Variants in UBA6 observed in about 807,000 individuals in gnomAD.
UBA6 encodes the protein ubiquitin like modifier activating enzyme 6, also known as ubiquitin-like modifier-activating enzyme 6.
Under a neutral mutation model 148.3 loss-of-function variants are expected in UBA6, and 87 were observed. The observed-to-expected ratio is 0.59, with a 90% CI of 0.49 to 0.70. The LOEUF (loss-of-function observed/expected upper bound fraction) is 0.70, where lower values mean the gene tolerates loss of function less well. Ranked by LOEUF, UBA6 falls within the 30% of genes least tolerant of loss-of-function variation. UBA6 has a pLI of 0.00. For missense variants in UBA6, 1,186 were observed against 1,241.2 expected, an observed-to-expected ratio of 0.96 and a Z score of 0.67; for synonymous variants, 376 against 401.0, an observed-to-expected ratio of 0.94 and a Z score of 0.75.
rs745403450 is a variant in UBA6 at position 67,677,724 on chromosome 4, T to TA, written c.354-3dup. On this transcript the variant is annotated splice_polypyrimidine_tract_variant and splice_region_variant and intron_variant, in intron 5 of 32. Transcript: ENST00000322244. ...ATATGTTTAAGTACAGCTTCAGCCC[T>TA]AAAAAAATAAAATAAATTTTTACTG... is the stretch of plus-strand genomic sequence containing the variant. 1.5e-5 allele frequency: 22 copies of TA among 1,496,528 alleles called. No homozygotes were observed. The highest frequency in any genetic ancestry group is 2.3e-5 in the East Asian group (1 of 42,910). The allele number at this position is 1,496,528 out of a possible 1,614,324, so 92.7% of individuals were successfully genotyped here.
chr4:67,633,608 T>C, intron 22 of UBA6, 135 bp from the exon 23 acceptor site: 1 of 648,204 alleles, frequency 1.5e-6, no homozygotes, highest in South Asian at 3.7e-5. Context: ...TCAAGCTCCT[T>C]TTCCCTTCCT....
At chr4:67,633,265 C>T in intron 23 of UBA6, 80 bp downstream of exon 23, 2 of 1,266,156 alleles carry the variant, frequency 1.6e-6, no homozygotes, top group Non-Finnish European at 2.1e-6. Context: ...ATACACATTT[C>T]AGGTCAATGA....
intron 2 of UBA6, among the ~76,000 whole-genome samples, chr4:67,691,192 A>G (rs2109958425): frequency 6.6e-6 from 1 of 152,300 alleles, no homozygotes; most frequent in South Asian, 2.1e-4. Flanking sequence ...AAAAATTAAG[A>G]AAATGTCATG....
At chr4:67,648,375 G>A (rs989659870) in intron 14 of UBA6, among the ~76,000 whole-genome samples, 17 of 151,018 alleles carry the variant, frequency 1.1e-4, no homozygotes, top group Non-Finnish European at 1.0e-4. Context: ...GGCTGAGGCA[G>A]GAGAATCGCG....
chr4:67,671,439 C>A (rs1577828019), intron 7 of UBA6, among the ~76,000 whole-genome samples: 1 of 145,306 alleles, frequency 6.9e-6, no homozygotes, highest in African/African-American at 2.5e-5. Context: ...ATACATATAG[C>A]TTTTTTTTTT....
chr4:67,625,256 T>G, intron 28 of UBA6, 69 bp from the exon 29 acceptor site: 1 of 1,199,302 alleles, frequency 8.3e-7, no homozygotes, highest in South Asian at 1.9e-5. Flanking sequence ...TAAAAAGCAA[T>G]GTGAATTTAC....
In UBA6 at chr4:67,631,965, TTAAAAAA is replaced by T. The variant is rs1232116813; in HGVS notation, c.2143-64_2143-58del. The T allele has an allele frequency of 4.2e-5, 63 of 1,495,376 alleles. No individual in the cohort carries two copies. The Admixed American group carries it at 1.3e-3, about 32-fold the overall frequency. The allele number at this position is 1,495,376 out of a possible 1,614,324, so 92.6% of individuals were successfully genotyped here. A position where few individuals can be genotyped will look rare whatever the true frequency, so the allele number is the denominator to read the frequency against. On this transcript the variant is annotated intron_variant, in intron 23 of 32. Coordinates refer to ENST00000322244, the MANE Select transcript of UBA6 (RefSeq NM_018227.6). ...CTACTTAATATTATCTGAGGAAAAA[TTAAAAAA>T]TAAAATTAAAAAATGTGTGTAGTAA...
At chr4:67,671,240 G>C (rs1730141124) in intron 7 of UBA6, among the ~76,000 whole-genome samples, 1 of 152,110 alleles carries the variant, frequency 6.6e-6, no homozygotes. Context: ...CTAATAAAGA[G>C]AAATCCTCAT....
At position 67,641,231 on chromosome 4, in the gene UBA6, A is replaced by C; in HGVS notation, c.1477-3T>G. 1.3e-6 allele frequency: 2 copies of C among 1,530,006 alleles called. No individual in the cohort carries two copies. Among genetic ancestry groups the C allele is most frequent in the Non-Finnish European group, 1.8e-6 (2 of 1,118,754 alleles). 94.8% of individuals were successfully genotyped at this position (1,530,006 alleles called of 1,614,324 possible). A position where few individuals can be genotyped will look rare whatever the true frequency, so the allele number is the denominator to read the frequency against. ...AAGTCAGGATCTGTAACTGTAATCT[A>C]ATATCAAGAAAATATGGCTGAAATT... On this transcript the variant is annotated splice_polypyrimidine_tract_variant and splice_region_variant and intron_variant, in intron 17 of 32. Coordinates refer to ENST00000322244, the MANE Select transcript of UBA6 (RefSeq NM_018227.6).
chr4:67,698,498 C>T (rs1430603168), intron 1 of UBA6, among the ~76,000 whole-genome samples: 3 of 152,134 alleles, frequency 2.0e-5, no homozygotes, highest in East Asian at 1.9e-4. Context: ...CTATCTCCAA[C>T]GAACAGATGG....
At chr4:67,670,116 G>C (rs944924328) in intron 8 of UBA6, among the ~76,000 whole-genome samples, 3 of 151,886 alleles carry the variant, frequency 2.0e-5, no homozygotes, top group African/African-American at 4.8e-5. Flanking sequence ...TTAATTTTTT[G>C]TATTTTTGGT....
intron 13 of UBA6, 70 bp downstream of exon 13, chr4:67,662,119 A>G (rs754187258): frequency 5.2e-5 from 75 of 1,441,582 alleles, no homozygotes; most frequent in Non-Finnish European, 7.0e-5. Context: ...AGGATAAGAG[A>G]ATACTAATAT....
At chr4:67,695,148 A>C (rs1730802596) in intron 2 of UBA6, among the ~76,000 whole-genome samples, 1 of 152,238 alleles carries the variant, frequency 6.6e-6, no homozygotes, top group Non-Finnish European at 1.5e-5. Flanking sequence ...AGTCAATACT[A>C]TCTCAAAGAG....
intron 8 of UBA6, 73 bp downstream of exon 8, chr4:67,670,397 C>A: frequency 1.5e-6 from 2 of 1,360,188 alleles, no homozygotes; most frequent in East Asian, 2.3e-5. Flanking sequence ...TTTGCTGATA[C>A]CACCTTTCTG....
intron 11 of UBA6, 62 bp from the exon 12 acceptor site, chr4:67,663,277 GCT>G: frequency 9.4e-7 from 1 of 1,061,076 alleles, no homozygotes; most frequent in Non-Finnish European, 1.4e-6. Flanking sequence ...CAGGCACTGG[GCT>G]AAATACTTTT....
chr4:67,644,282 T>C (rs1430829494), intron 17 of UBA6, among the ~76,000 whole-genome samples: 4 of 152,132 alleles, frequency 2.6e-5, no homozygotes, highest in African/African-American at 9.7e-5. Context: ...TAATACTCTT[T>C]AATTGAAACT....
intron 1 of UBA6, 43 bp from the exon 2 acceptor site, chr4:67,696,750 T>C: frequency 6.7e-7 from 1 of 1,482,894 alleles, no homozygotes. Flanking sequence ...CATTTTATAA[T>C]GTAATATTTG....
chr4:67,663,019 C>T, intron 12 of UBA6, 120 bp downstream of exon 12: 1 of 591,070 alleles, frequency 1.7e-6, no homozygotes, highest in South Asian at 3.5e-5. Flanking sequence ...AATGTTTGCA[C>T]AGCTTGGTAT....
At chr4:67,664,436 A>AT (rs909244067) in intron 10 of UBA6, among the ~76,000 whole-genome samples, 13 of 149,310 alleles carry the variant, frequency 8.7e-5, no homozygotes, top group African/African-American at 1.5e-4. Flanking sequence ...TAGTATTTTA[A>AT]TTTTTTTTTT....
Sources: allele counts gnomAD v4.1 joint callset (sites outside exome capture counted in the v4.1 genomes callset), GRCh38; gene constraint gnomAD v4.1.1; transcripts MANE v1.5; gene names NCBI Gene and HGNC (gene_info 2026-07-23, HGNC 2026-07-21).